KIRREL3: variants seen among roughly 807,000 people sequenced by gnomAD.
KIRREL3 encodes the protein kin of IRRE-like protein 3.
In KIRREL3, 36 loss-of-function variants were observed where a neutral mutation model predicts 89.7. That is an observed-to-expected ratio of 0.40 (90% CI 0.31 to 0.53). KIRREL3 has a LOEUF of 0.53. Among genes scored for constraint, KIRREL3 ranks in the 20% least tolerant of loss-of-function variants. The pLI is 0.49. For synonymous variants in KIRREL3, 445 were observed against 441.4 expected (o/e 1.01, Z -0.10); for missense variants, 864 against 1,056.6 (o/e 0.82, Z 2.53).
At chr11:126,986,440 A>G (rs551157239) in intron 1 of KIRREL3, among the ~76,000 whole-genome samples, 1 of 152,320 alleles carries the variant, frequency 6.6e-6, no homozygotes, top group East Asian at 1.9e-4. Flanking sequence ...AAAACAGAAA[A>G]TCTATCCTTT....
chr11:126,980,534 GA>G (rs910671806), intron 1 of KIRREL3, among the ~76,000 whole-genome samples: 6 of 151,710 alleles, frequency 4.0e-5, no homozygotes, highest in Non-Finnish European at 8.8e-5. Context: ...GTGACTGTGA[GA>G]AAAAAAATCG....
In KIRREL3 at chr11:126,844,566, G is replaced by T. The variant is rs1459791879; in HGVS notation, c.55+155889C>A. On this transcript the variant is annotated intron_variant, in intron 1 of 16. Coordinates refer to ENST00000525144, the MANE Select transcript of KIRREL3 (RefSeq NM_032531.4). The surrounding 1 kb of genome is among the most constrained non-coding windows in gnomAD (Gnocchi z 4.8). ...TCTCCTAAGACAGAAACCATTAAAGGCTCCTCTCCATAAAAGGCAAGGACA... is the reference window on the plus strand; with the variant it reads ...TCTCCTAAGACAGAAACCATTAAAGTCTCCTCTCCATAAAAGGCAAGGACA... Among the ~76,000 whole-genome samples the T allele has an allele frequency of 6.6e-6, 1 of 152,022 alleles. No individual in the cohort carries two copies. Among genetic ancestry groups the T allele is most frequent in the Admixed American group, 6.6e-5 (1 of 15,260 alleles).
Position 126,444,980 on chromosome 11 carries a change from A to G in KIRREL3, c.1251T>C (p.Asn417=), listed in dbSNP as rs748070302. The G allele has an allele frequency of 6.8e-6, 11 of 1,613,582 alleles. No homozygotes were observed. The South Asian group carries it at 1.1e-4, about 16-fold the overall frequency. Residue 417 remains asparagine (N), a splice_region_variant and synonymous_variant, in exon 10 of 17, where the codon AAT becomes AAC. Coordinates refer to ENST00000525144, the MANE Select transcript of KIRREL3 (RefSeq NM_032531.4). ...AGEREVTLTV[N]GPPIISSTQT... The stretch of plus-strand genomic sequence containing the variant: ...GGCTCACCCCAGCGAGGGTCTTACC[A>G]TTGACGGTCAGGGTCACCTCTCTCT...
intron 16 of KIRREL3, 87 bp from the exon 17 acceptor site, chr11:126,425,110 T>A: frequency 1.6e-6 from 2 of 1,269,018 alleles, no homozygotes; most frequent in Non-Finnish European, 1.1e-6. Flanking sequence ...CGTCCCCTTA[T>A]GCGGGGAGGG....
intron 1 of KIRREL3, among the ~76,000 whole-genome samples, chr11:126,583,751 AG>A (rs1941680019): frequency 1.1e-5 from 1 of 95,220 alleles, no homozygotes; most frequent in South Asian, 3.3e-4. Flanking sequence ...CCTGGCACGC[AG>A]CGAGGACTCC....
At chr11:126,626,580 G>A (rs1038979016) in intron 1 of KIRREL3, among the ~76,000 whole-genome samples, 4 of 152,184 alleles carry the variant, frequency 2.6e-5, no homozygotes, top group African/African-American at 9.7e-5. Context: ...CATGAGTAAG[G>A]GGGCTTGCAG....
At position 126,985,837 on chromosome 11, in the gene KIRREL3, G is replaced by A. The variant is rs1949850762; in HGVS notation, c.55+14618C>T. Among the ~76,000 whole-genome samples the A allele has an allele frequency of 6.6e-6, 1 of 152,182 alleles. No homozygotes were observed. The highest frequency in any genetic ancestry group is 2.4e-5 in the African/African-American group (1 of 41,428). On this transcript the variant is annotated intron_variant, in intron 1 of 16. Coordinates refer to ENST00000525144, the MANE Select transcript of KIRREL3 (RefSeq NM_032531.4). This position sits in a 1 kb window ranked among gnomAD's most constrained non-coding sequence, Gnocchi z 5.3. The stretch of plus-strand genomic sequence containing the variant: ...TACTGACATAGTTCAATGATGAAAG[G>A]AAACTTCAAAACCTTGAGTATAAGG...
intron 2 of KIRREL3, among the ~76,000 whole-genome samples, chr11:126,540,498 A>T (rs1375945774): frequency 1.3e-5 from 2 of 152,220 alleles, no homozygotes; most frequent in Non-Finnish European, 2.9e-5. Flanking sequence ...ACGAAGAGCA[A>T]TCGGGCTGGC....
chr11:126,487,196 T>C (rs1292848012), intron 4 of KIRREL3, among the ~76,000 whole-genome samples: 1 of 152,132 alleles, frequency 6.6e-6, no homozygotes, highest in Admixed American at 6.6e-5. Flanking sequence ...ATGCATTTGT[T>C]CCATATCTTG....
At chr11:126,675,338 T>G (rs1481781507) in intron 1 of KIRREL3, among the ~76,000 whole-genome samples, 2 of 152,234 alleles carry the variant, frequency 1.3e-5, no homozygotes, top group Admixed American at 1.3e-4. Flanking sequence ...TGCTTTCCTC[T>G]GTGATTATGC....
chr11:126,859,924 A>G (rs545942297), intron 1 of KIRREL3, among the ~76,000 whole-genome samples: 1 of 152,266 alleles, frequency 6.6e-6, no homozygotes, highest in East Asian at 1.9e-4. Flanking sequence ...CTATCTCTAC[A>G]TATCTCAGTT....
intron 1 of KIRREL3, among the ~76,000 whole-genome samples, chr11:126,735,296 A>G (rs1948765013): frequency 1.3e-5 from 2 of 152,210 alleles, no homozygotes; most frequent in South Asian, 4.1e-4. Flanking sequence ...TTTGACGAGT[A>G]CGGGAAGGAA....
rs1055029269 is a variant in KIRREL3, at chr11:126,684,016, C to T, written c.56-121104G>A. ...TTGGCTCCGGGTTTTTGGGCAGCTC[C>T]GCCTTCATACCGAAGGCAGCTTAGC... On this transcript the variant is annotated intron_variant, in intron 1 of 16. Transcript: ENST00000525144. The surrounding 1 kb of genome is among the most constrained non-coding windows in gnomAD (Gnocchi z 4.2). Among the ~76,000 whole-genome samples the T allele has an allele frequency of 1.5e-4, 23 of 152,206 alleles. No individual in the cohort carries two copies. Among genetic ancestry groups the T allele is most frequent in the African/African-American group, 4.3e-4 (18 of 41,462 alleles).
At chr11:126,915,767 C>T (rs910909615) in intron 1 of KIRREL3, among the ~76,000 whole-genome samples, 1 of 152,188 alleles carries the variant, frequency 6.6e-6, no homozygotes, top group Non-Finnish European at 1.5e-5. Context: ...GTAGTCAACC[C>T]ATTCTTTGTT....
rs1474296028 is a variant in KIRREL3 at position 126,520,475 on chromosome 11, T to A, written c.433+840A>T. On this transcript the variant is annotated intron_variant, in intron 4 of 16. Transcript: ENST00000525144. The surrounding 1 kb of genome is among the most constrained non-coding windows in gnomAD (Gnocchi z 4.9). Reference sequence around the variant, plus strand: ...GCAGCGTCAGGAACAGCGGAGGTCATGTGCCTGAAAGAGCCTAGAGAGCTA... The same window carrying A: ...GCAGCGTCAGGAACAGCGGAGGTCAAGTGCCTGAAAGAGCCTAGAGAGCTA... Among the ~76,000 whole-genome samples the A allele has an allele frequency of 1.3e-5, 2 of 152,170 alleles. No homozygotes were observed. Among genetic ancestry groups the A allele is most frequent in the Non-Finnish European group, 1.5e-5 (1 of 68,042 alleles).
intron 1 of KIRREL3, among the ~76,000 whole-genome samples, chr11:126,681,246 G>T (rs543344843): frequency 8.9e-4 from 136 of 152,332 alleles, no homozygotes; most frequent in African/African-American, 3.2e-3. Context: ...CAGAAGCCAT[G>T]TGTTTTTGTG....
At chr11:126,937,354 T>G (rs139456015) in intron 1 of KIRREL3, among the ~76,000 whole-genome samples, 1 of 152,328 alleles carries the variant, frequency 6.6e-6, no homozygotes, top group East Asian at 1.9e-4. Context: ...ATAACTTACT[T>G]TTGTAAAGCA....
At chr11:126,721,688 G>A (rs1458304486) in intron 1 of KIRREL3, among the ~76,000 whole-genome samples, 1 of 152,226 alleles carries the variant, frequency 6.6e-6, no homozygotes, top group African/African-American at 2.4e-5. Flanking sequence ...TTTTGGATTT[G>A]CAGAGAGAAG....
At chr11:126,505,309 C>T (rs1037283946) in intron 4 of KIRREL3, among the ~76,000 whole-genome samples, 8 of 152,226 alleles carry the variant, frequency 5.3e-5, no homozygotes, top group Non-Finnish European at 7.3e-5. Context: ...GTGGCTCACA[C>T]TTGTAATTCC....
Sources: allele counts gnomAD v4.1 joint callset (sites outside exome capture counted in the v4.1 genomes callset), GRCh38; gene constraint gnomAD v4.1.1; non-coding constraint Gnocchi (gnomAD v3.1); transcripts MANE v1.5; gene names NCBI Gene and HGNC (gene_info 2026-07-23, HGNC 2026-07-21).